Variants in DYNC2H1 observed in about 807,000 individuals in gnomAD.
The protein encoded by DYNC2H1 is dynein cytoplasmic 2 heavy chain 1.
In DYNC2H1, 410 loss-of-function variants were observed where a neutral mutation model predicts 570.0. That is an observed-to-expected ratio of 0.72 (90% CI 0.66 to 0.78). DYNC2H1 has a LOEUF of 0.78. Among genes scored for constraint, DYNC2H1 ranks in the 30% least tolerant of loss-of-function variants. The pLI is 0.00. For missense variants in DYNC2H1, 4,865 were observed against 5,046.4 expected (o/e 0.96, Z 1.09); for synonymous variants, 1,688 against 1,677.6 (o/e 1.01, Z -0.15).
intron 19 of DYNC2H1, 116 bp downstream of exon 19, chr11:103,148,003 A>T (rs1209170302): frequency 2.1e-5 from 15 of 717,834 alleles, no homozygotes; most frequent in African/African-American, 1.5e-4. Context: ...GAACTAATTT[A>T]AAAAAAGCAG....
intron 70 of DYNC2H1, among the ~76,000 whole-genome samples, chr11:103,271,043 ATTTG>A (rs1265471095): frequency 1.3e-5 from 2 of 152,248 alleles, no homozygotes; most frequent in South Asian, 2.1e-4. Flanking sequence ...TTCCATATGA[ATTTG>A]TTTGTTGATG....
chr11:103,390,596 T>G (rs933792024), intron 83 of DYNC2H1, among the ~76,000 whole-genome samples: 1 of 152,240 alleles, frequency 6.6e-6, no homozygotes, highest in Admixed American at 6.5e-5. Context: ...CTAGCCTTGA[T>G]GGGCTTTACA....
chr11:103,477,405 G>A (rs1945587789), intron 88 of DYNC2H1, among the ~76,000 whole-genome samples: 1 of 151,976 alleles, frequency 6.6e-6, no homozygotes, highest in Non-Finnish European at 1.5e-5. Context: ...ATAATTAATT[G>A]AATAAAATCA....
intron 75 of DYNC2H1, among the ~76,000 whole-genome samples, chr11:103,293,071 T>C (rs1365981695): frequency 1.3e-5 from 2 of 152,250 alleles, no homozygotes; most frequent in Admixed American, 1.3e-4. Context: ...AGAATCCTTT[T>C]CTTTTAAATT....
rs1305882915 is a variant in DYNC2H1 at position 103,184,897 on chromosome 11, A to G, written c.6479A>G (p.Asn2160Ser). 5.0e-6 allele frequency: 8 copies of G among 1,610,056 alleles called. No individual in the cohort carries two copies. The highest frequency in any genetic ancestry group is 5.9e-6 in the Non-Finnish European group (7 of 1,177,248). Residue 2160 changes from asparagine (N) to serine (S), a missense_variant and splice_region_variant, in exon 41 of 89, where the codon AAT becomes AGT. By Grantham distance (46) the Asn-to-Ser change is conservative. This residue lies in a region of DYNC2H1 where 231 missense variants were observed against 310.3 expected (regional missense o/e 0.74). Coordinates refer to ENST00000375735, the MANE Select transcript of DYNC2H1 (RefSeq NM_001377.3). ...EKALQWVLKQNDYVVETSLVG... is the reference protein window; with the variant it reads ...EKALQWVLKQSDYVVETSLVG... ...TGTATCACGGATTTTAATCAACAGA[A>G]TGACTATGTGGTAGAAACAAGTTTG...
Position 103,307,841 on chromosome 11 carries a change from T to C in DYNC2H1, c.11493+10T>C, listed in dbSNP as rs1867369556. On this transcript the variant is annotated intron_variant, in intron 78 of 88. Transcript: ENST00000375735. ...GAAGATAACATATGAGGTAAGAAGA[T>C]TTAAAACTTGGATCACCAGTTGTAT... is the stretch of plus-strand genomic sequence containing the variant. 8 of 1,520,864 alleles carry C rather than the reference T, an allele frequency of 5.3e-6. No homozygotes were observed. Among genetic ancestry groups the C allele is most frequent in the Non-Finnish European group, 7.2e-6 (8 of 1,111,320 alleles). The allele number at this position is 1,520,864 out of a possible 1,614,324, so 94.2% of individuals were successfully genotyped here.
rs1359777909 is a variant in DYNC2H1, at chr11:103,326,436, T to A, written c.12039+2446T>A. 6.6e-6 allele frequency among the ~76,000 whole-genome samples: 1 copy of A among 152,156 alleles called. No individual in the cohort carries two copies. Among genetic ancestry groups the A allele is most frequent in the Non-Finnish European group, 1.5e-5 (1 of 68,026 alleles). ...CCTGTGGAGGGACGTACGAACCGCC[T>A]CTGTGCTGGCCCACAAACCTGCACG... On this transcript the variant is annotated intron_variant, in intron 82 of 88. Transcript: ENST00000375735. This position sits in a 1 kb window ranked among gnomAD's most constrained non-coding sequence, Gnocchi z 6.1.
At chr11:103,271,191 A>C (rs1293205981) in intron 70 of DYNC2H1, among the ~76,000 whole-genome samples, 1 of 152,212 alleles carries the variant, frequency 6.6e-6, no homozygotes, top group African/African-American at 2.4e-5. Flanking sequence ...TATATGAAAA[A>C]GTGGAAGTTC....
At position 103,245,939 on chromosome 11, in the gene DYNC2H1, T is replaced by C. The variant is rs766220466; in HGVS notation, c.10042+565T>C. 5.3e-5 allele frequency among the ~76,000 whole-genome samples: 8 copies of C among 152,266 alleles called. No homozygotes were observed. Among genetic ancestry groups the C allele is most frequent in the Non-Finnish European group, 8.8e-5 (6 of 67,984 alleles). On this transcript the variant is annotated intron_variant, in intron 65 of 88. Transcript: ENST00000375735. The surrounding 1 kb of genome is among the most constrained non-coding windows in gnomAD (Gnocchi z 4.5). ...ACATATGTAGACGTGTACATATACGTACGTGAATGTATGCCACATACGTTG... is the reference window on the plus strand; with the variant it reads ...ACATATGTAGACGTGTACATATACGCACGTGAATGTATGCCACATACGTTG...
At chr11:103,222,910 T>C in intron 58 of DYNC2H1, 55 bp from the exon 59 acceptor site, 1 of 1,604,526 alleles carries the variant, frequency 6.2e-7, no homozygotes, top group Non-Finnish European at 8.5e-7. Context: ...GAATTAACTT[T>C]GCTTTCATTT....
rs1394386514 is a variant in DYNC2H1, at chr11:103,177,507, T to C, written c.5875-49T>C. ...GTTACAGAATAAAAGCAGAACTAAG[T>C]ATGATTGAATATTATAAATCATATA... is the stretch of plus-strand genomic sequence containing the variant. On this transcript the variant is annotated intron_variant, in intron 37 of 88. Transcript: ENST00000375735. The surrounding 1 kb of genome is among the most constrained non-coding windows in gnomAD (Gnocchi z 4.4). The C allele has an allele frequency of 6.5e-7, 1 of 1,547,948 alleles. No homozygotes were observed. Among genetic ancestry groups the C allele is most frequent in the Non-Finnish European group, 8.7e-7 (1 of 1,148,446 alleles).
chr11:103,136,092 T>G, intron 17 of DYNC2H1, 144 bp downstream of exon 17: 9 of 619,620 alleles, frequency 1.5e-5, no homozygotes, highest in Non-Finnish European at 2.2e-5. Flanking sequence ...TCGTAGATAC[T>G]TATACAACCT....
Position 103,148,637 on chromosome 11 carries a change from A to G in DYNC2H1, c.2946+20A>G. ...CCAGAGGTGAGAATCACAAAGTAAAATTATTATTATTACTTTTTACTGCAT... is the reference window on the plus strand; with the variant it reads ...CCAGAGGTGAGAATCACAAAGTAAAGTTATTATTATTACTTTTTACTGCAT... On this transcript the variant is annotated intron_variant, in intron 20 of 88. Coordinates refer to ENST00000375735, the MANE Select transcript of DYNC2H1 (RefSeq NM_001377.3). 1 of 1,541,554 alleles carries G rather than the reference A, an allele frequency of 6.5e-7. No individual in the cohort carries two copies. The highest frequency in any genetic ancestry group is 8.7e-7 in the Non-Finnish European group (1 of 1,144,888).
At chr11:103,167,014 T>G (rs12278800) in intron 31 of DYNC2H1, among the ~76,000 whole-genome samples, 3,344 of 109,314 alleles carry the variant, frequency 0.031, 151 homozygotes, top group African/African-American at 0.1. Context: ...TTTTTTTTGA[T>G]TTTTCCTCTT....
chr11:103,225,497 G>A (rs561559746), intron 59 of DYNC2H1, among the ~76,000 whole-genome samples: 1 of 151,884 alleles, frequency 6.6e-6, no homozygotes, highest in Admixed American at 6.6e-5. Flanking sequence ...AGCACCATTG[G>A]TTGAATAGGG....
In DYNC2H1 at chr11:103,200,059, C is replaced by T. The variant is rs765998830; in HGVS notation, c.8102C>T (p.Ala2701Val). ...CTGATTTTGCAGGTGCTGCAACTTG[C>T]AGGAATTGAAGCACAACAGGTAGTT... The part of the protein sequence containing the change: ...KNDLKHVLQL[A>V]GIEAQQVVLL... The change falls in exon 50 of 89, where the codon GCA (alanine) becomes GTA (valine). Residue 2701 changes from alanine to valine, a missense_variant. Ala to Val is a moderately conservative substitution (Grantham distance 64). This residue lies in a region of DYNC2H1 where 2,401 missense variants were observed against 2,454.6 expected (regional missense o/e 0.98). Transcript: ENST00000375735. 3.1e-5 allele frequency: 49 copies of T among 1,583,296 alleles called. No homozygotes were observed. The highest frequency in any genetic ancestry group is 1.4e-4 in the Admixed American group (8 of 56,950).
intron 17 of DYNC2H1, among the ~76,000 whole-genome samples, chr11:103,138,447 C>G (rs551646681): frequency 3.9e-4 from 60 of 152,250 alleles, no homozygotes; most frequent in African/African-American, 1.4e-3. Context: ...TGTCAAAGGC[C>G]TTTTCTGTAT....
intron 11 of DYNC2H1, among the ~76,000 whole-genome samples, chr11:103,123,811 ACC>A (rs1286365293): frequency 3.0e-5 from 4 of 131,158 alleles, no homozygotes; most frequent in Admixed American, 8.5e-5. Context: ...AGGCTTTGAA[ACC>A]CCCTCCTCCT....
chr11:103,228,532 A>T lies in DYNC2H1; in HGVS notation c.9354-2728A>T, dbSNP rs1863882686. On this transcript the variant is annotated intron_variant, in intron 59 of 88. Coordinates refer to ENST00000375735, the MANE Select transcript of DYNC2H1 (RefSeq NM_001377.3). This position sits in a 1 kb window ranked among gnomAD's most constrained non-coding sequence, Gnocchi z 6.1. Reference sequence around the variant, plus strand: ...GGGAGTGTCTGCACAGAGTCCTGTGATGTGATCTGTCTTCAGGTATCTTAG... The same window carrying T: ...GGGAGTGTCTGCACAGAGTCCTGTGTTGTGATCTGTCTTCAGGTATCTTAG... Among the ~76,000 whole-genome samples the T allele has an allele frequency of 6.6e-6, 1 of 152,136 alleles. No individual in the cohort carries two copies. The highest frequency in any genetic ancestry group is 6.5e-5 in the Admixed American group (1 of 15,280).
Sources: gnomAD v4.1 joint callset for allele counts (sites outside exome capture counted in the v4.1 genomes callset) on GRCh38, gnomAD v4.1.1 for gene constraint, gnomAD v4.1.1 regional missense constraint, Gnocchi (gnomAD v3.1) non-coding constraint, MANE v1.5 for transcripts, NCBI Gene and HGNC (gene_info 2026-07-23, HGNC 2026-07-21) for gene names.